Variants in PRDM16 observed in about 807,000 individuals in gnomAD.
PRDM16 encodes the protein histone-lysine N-methyltransferase PRDM16.
Under a neutral mutation model 110.6 loss-of-function variants are expected in PRDM16, and 23 were observed. That is an observed-to-expected ratio of 0.21 (90% confidence interval 0.15 to 0.29). PRDM16 has a LOEUF of 0.29. Among genes scored for constraint, PRDM16 ranks in the 10% least tolerant of loss-of-function variants. The pLI is 1.00. For missense variants in PRDM16, 1,615 were observed against 1,794.3 expected, an observed-to-expected ratio of 0.90 and a Z score of 1.81; for synonymous variants, 799 against 781.8, an observed-to-expected ratio of 1.02 and a Z score of -0.37.
rs1309152534 is a variant in PRDM16, at chr1:3,181,206, GGTCTTACACACGCA to G, written c.38-4906_38-4893del. 1.0e-4 allele frequency among the ~76,000 whole-genome samples: 11 copies of G among 109,578 alleles called. No individual in the cohort carries two copies. The East Asian group carries it at 1.7e-3, about 17-fold the overall frequency. 71.9% of individuals were successfully genotyped at this position (109,578 alleles called of 152,430 possible). A position where few individuals can be genotyped will look rare whatever the true frequency, so the allele number is the denominator to read the frequency against. ...CACGCAGTCTTACGGTCTTACACAC[GGTCTTACACACGCA>G]GTCTTACACACGGTCTTACACACAG... On this transcript the variant is annotated intron_variant, in intron 1 of 16. Coordinates refer to ENST00000270722, the MANE Select transcript of PRDM16 (RefSeq NM_022114.4).
chr1:3,408,570 G>A lies in PRDM16; in HGVS notation c.1187-2814G>A, dbSNP rs145514487. ...CATGAGCTGGTGCATGTGTCGGTGC[G>A]TGTGAGAGCGTGTGAGTGTGGGTGT... On this transcript the variant is annotated intron_variant, in intron 8 of 16. Transcript: ENST00000270722. Among the ~76,000 whole-genome samples, 744 of 147,236 alleles carry A rather than the reference G, an allele frequency of 5.1e-3. 5 individuals carry two copies. The highest frequency in any genetic ancestry group is 0.017 in the African/African-American group (689 of 39,596).
chr1:3,305,764 A>G (rs868810019), intron 3 of PRDM16, among the ~76,000 whole-genome samples: 3 of 152,234 alleles, frequency 2.0e-5, no homozygotes, highest in South Asian at 2.1e-4. Flanking sequence ...TGCATGCCTC[A>G]TCTCCACAGA....
At position 3,358,197 on chromosome 1, in the gene PRDM16, T is replaced by C. The variant is rs1020291572; in HGVS notation, c.439-26955T>C. Among the ~76,000 whole-genome samples the C allele has an allele frequency of 6.6e-6, 1 of 152,208 alleles. No homozygotes were observed. Among genetic ancestry groups the C allele is most frequent in the African/African-American group, 2.4e-5 (1 of 41,474 alleles). Reference sequence around the variant, plus strand: ...GGTGCAATAGGCCACTTTCTGGCCTTGGAGGGAAGTTTGTCTTCCTCCCTG... The same window carrying C: ...GGTGCAATAGGCCACTTTCTGGCCTCGGAGGGAAGTTTGTCTTCCTCCCTG... On this transcript the variant is annotated intron_variant, in intron 3 of 16. Transcript: ENST00000270722. The surrounding 1 kb of genome is among the most constrained non-coding windows in gnomAD (Gnocchi z 4.0).
intron 2 of PRDM16, among the ~76,000 whole-genome samples, chr1:3,224,470 T>C (rs567986599): frequency 6.6e-6 from 1 of 151,938 alleles, no homozygotes; most frequent in East Asian, 1.9e-4. Context: ...CTTCCGCATG[T>C]GCCCAGGGCC....
chr1:3,242,532 C>T (rs1167040781), intron 2 of PRDM16, among the ~76,000 whole-genome samples: 3 of 152,244 alleles, frequency 2.0e-5, no homozygotes, highest in Non-Finnish European at 4.4e-5. Flanking sequence ...GCTCTGCCTC[C>T]AGCACGCCTC....
intron 1 of PRDM16, among the ~76,000 whole-genome samples, chr1:3,074,711 A>G (rs1279254872): frequency 1.3e-5 from 2 of 152,206 alleles, no homozygotes; most frequent in South Asian, 4.1e-4. Context: ...CATCCGGAGC[A>G]AATGCAGGAG....
At chr1:3,302,099 G>A (rs1057069006) in intron 3 of PRDM16, among the ~76,000 whole-genome samples, 73 of 152,134 alleles carry the variant, frequency 4.8e-4, no homozygotes, top group Non-Finnish European at 1.0e-3. Context: ...CTAAACTGTT[G>A]CTCCTAGGAG....
At chr1:3,227,284 A>T (rs965626498) in intron 2 of PRDM16, among the ~76,000 whole-genome samples, 1 of 152,220 alleles carries the variant, frequency 6.6e-6, no homozygotes, top group African/African-American at 2.4e-5. Flanking sequence ...AGAAAAATGA[A>T]GCCCTGTTAT....
chr1:3,420,947 C>T (rs894001553), intron 12 of PRDM16, among the ~76,000 whole-genome samples: 6 of 151,980 alleles, frequency 3.9e-5, no homozygotes, highest in Non-Finnish European at 7.4e-5. Context: ...CTGCTGGGAC[C>T]GAGATTCCTG....
intron 3 of PRDM16, among the ~76,000 whole-genome samples, chr1:3,250,883 T>G (rs1363345154): frequency 6.6e-6 from 1 of 152,138 alleles, no homozygotes; most frequent in Admixed American, 6.5e-5. Flanking sequence ...GGAAAGGCCC[T>G]GCAGAAGTGG....
intron 3 of PRDM16, among the ~76,000 whole-genome samples, chr1:3,338,358 A>T (rs1642204002): frequency 1.3e-5 from 2 of 152,224 alleles, no homozygotes; most frequent in South Asian, 4.1e-4. Flanking sequence ...AGGCCCCAGG[A>T]CATTTGGCCT....
intron 11 of PRDM16, 98 bp downstream of exon 11, chr1:3,418,095 C>T (rs375768154): frequency 4.1e-5 from 42 of 1,023,440 alleles, no homozygotes; most frequent in East Asian, 5.2e-5. Context: ...CTCAGAGTCC[C>T]GGCCATAGGA....
chr1:3,302,519 T>G, intron 3 of PRDM16, among the ~76,000 whole-genome samples: 1 of 107,002 alleles, frequency 9.3e-6, no homozygotes. Context: ...AAAAAAAAAA[T>G]GCAATATTGC....
intron 12 of PRDM16, among the ~76,000 whole-genome samples, chr1:3,424,722 G>C (rs938970207): frequency 2.6e-5 from 4 of 152,262 alleles, no homozygotes; most frequent in Non-Finnish European, 5.9e-5. Flanking sequence ...GCAAACTGAG[G>C]CTCCAAGTGA....
At position 3,069,613 on chromosome 1, in the gene PRDM16, G is replaced by A. The variant is rs1641696980; in HGVS notation, c.37+317G>A. Among the ~76,000 whole-genome samples the A allele has an allele frequency of 6.6e-6, 1 of 150,752 alleles. No individual in the cohort carries two copies. The highest frequency in any genetic ancestry group is 6.6e-5 in the Admixed American group (1 of 15,222). ...CGCGCGGTGGGGGCCGGGGAGGGGG[G>A]CGGAGGGGGAGGGCCGGGGGTGGAG... On this transcript the variant is annotated intron_variant, in intron 1 of 16. Transcript: ENST00000270722. This position sits in a 1 kb window ranked among gnomAD's most constrained non-coding sequence, Gnocchi z 6.1.
intron 1 of PRDM16, among the ~76,000 whole-genome samples, chr1:3,160,817 C>T (rs972285127): frequency 6.6e-6 from 1 of 152,210 alleles, no homozygotes; most frequent in Admixed American, 6.5e-5. Context: ...ACCTGCACTT[C>T]CAGACAGGGT....
In PRDM16 at chr1:3,390,541, G is replaced by A. The variant is rs1643281148; in HGVS notation, c.573+5255G>A. On this transcript the variant is annotated intron_variant, in intron 4 of 16. Transcript: ENST00000270722. This position sits in a 1 kb window ranked among gnomAD's most constrained non-coding sequence, Gnocchi z 5.0. ...CGTGGAGCAGCACAGCCCCTCCACA[G>A]AGTGTTCCGCGCAGGCATTGTGTTA... Among the ~76,000 whole-genome samples the A allele has an allele frequency of 6.6e-6, 1 of 152,238 alleles. No individual in the cohort carries two copies. The highest frequency in any genetic ancestry group is 2.4e-5 in the African/African-American group (1 of 41,468).
At chr1:3,299,809 G>A (rs1264025111) in intron 3 of PRDM16, among the ~76,000 whole-genome samples, 16 of 63,418 alleles carry the variant, frequency 2.5e-4, no homozygotes, top group South Asian at 8.5e-4. Flanking sequence ...GATCCCAGTC[G>A]TGGTGACTCT....
rs1638286684 is a variant in PRDM16 at position 3,190,724 on chromosome 1, GC to G, written c.387+4252del. Among the ~76,000 whole-genome samples, 1 of 152,216 alleles carries G rather than the reference GC, an allele frequency of 6.6e-6. No individual in the cohort carries two copies. Among genetic ancestry groups the G allele is most frequent in the South Asian group, 2.1e-4 (1 of 4,832 alleles). ...CAAATACCACGCCCCGCCGGTCGCC[GC>G]CGAAGCCCACCTGCCTGGAGGAAAT... On this transcript the variant is annotated intron_variant, in intron 2 of 16. Transcript: ENST00000270722. This position sits in a 1 kb window ranked among gnomAD's most constrained non-coding sequence, Gnocchi z 5.0.
Sources: gnomAD v4.1 joint callset for allele counts (sites outside exome capture counted in the v4.1 genomes callset) on GRCh38, gnomAD v4.1.1 for gene constraint, Gnocchi (gnomAD v3.1) non-coding constraint, MANE v1.5 for transcripts, NCBI Gene and HGNC (gene_info 2026-07-23, HGNC 2026-07-21) for gene names.